ARHGEF7: variants seen among roughly 807,000 people sequenced by gnomAD.
ARHGEF7 encodes Rho guanine nucleotide exchange factor 7, also known as PAK-interacting exchange factor beta.
A neutral mutation model predicts 109.8 loss-of-function variants in ARHGEF7; 33 were observed. The observed-to-expected ratio is 0.30, with a 90% CI of 0.23 to 0.40. ARHGEF7 has a LOEUF of 0.40. ARHGEF7 is among the 10% of genes least tolerant of loss of function. The pLI is 1.00. For synonymous variants in ARHGEF7, 458 were observed against 424.6 expected, an observed-to-expected ratio of 1.08 and a Z score of -0.97; for missense variants, 938 against 1,098.5, an observed-to-expected ratio of 0.85 and a Z score of 2.07.
At chr13:111,260,085 A>G (rs2090921602) in intron 8 of ARHGEF7, among the ~76,000 whole-genome samples, 1 of 152,192 alleles carries the variant, frequency 6.6e-6, no homozygotes, top group African/African-American at 2.4e-5. Context: ...GAAAGAATCA[A>G]AAACAATGAA....
chr13:111,119,934 C>T (rs374516536), intron 1 of ARHGEF7, among the ~76,000 whole-genome samples: 104 of 152,130 alleles, frequency 6.8e-4, no homozygotes, highest in African/African-American at 1.6e-3. Flanking sequence ...GACCTGTAGC[C>T]GTCATAAAGA....
intron 4 of ARHGEF7, among the ~76,000 whole-genome samples, 190 bp downstream of exon 4, chr13:111,210,192 T>G (rs2082327519): frequency 6.6e-6 from 1 of 152,250 alleles, no homozygotes; most frequent in African/African-American, 2.4e-5. Flanking sequence ...ATATTATGCT[T>G]AATGATTGCT....
Position 111,248,436 on chromosome 13 carries a change from C to T in ARHGEF7, c.950+4142C>T, listed in dbSNP as rs113616723. 7.1e-3 allele frequency among the ~76,000 whole-genome samples: 1,088 copies of T among 152,188 alleles called. 9 individuals are homozygous for T. Among genetic ancestry groups the T allele is most frequent in the Admixed American group, 8.4e-3 (128 of 15,294 alleles). ...TCTTTTACCAAATGTGGGGAATTTG[C>T]GGGCATTATTTCTTCAAATATTTTG... On this transcript the variant is annotated intron_variant, in intron 8 of 21. Transcript: ENST00000646102.
intron 1 of ARHGEF7, among the ~76,000 whole-genome samples, chr13:111,140,297 A>G (rs1292899622): frequency 6.6e-6 from 1 of 152,244 alleles, no homozygotes; most frequent in Non-Finnish European, 1.5e-5. Context: ...ACAGAAATCA[A>G]TGAGACATTT....
chr13:111,198,500 G>C (rs2080835136), intron 2 of ARHGEF7, among the ~76,000 whole-genome samples: 1 of 152,136 alleles, frequency 6.6e-6, no homozygotes. Flanking sequence ...TCCTTCCGGT[G>C]GGTTTGTGGT....
intron 8 of ARHGEF7, among the ~76,000 whole-genome samples, chr13:111,246,050 G>A (rs952991234): frequency 2.6e-5 from 4 of 152,190 alleles, no homozygotes; most frequent in Admixed American, 1.3e-4. Context: ...AGGGACAGAG[G>A]CATGTTCTGA....
intron 5 of ARHGEF7, among the ~76,000 whole-genome samples, chr13:111,231,709 T>G (rs967060668): frequency 6.6e-6 from 1 of 151,986 alleles, no homozygotes; most frequent in African/African-American, 2.4e-5. Flanking sequence ...GACACTGAGA[T>G]TGTGGATGGG....
chr13:111,292,454 AT>A, intron 19 of ARHGEF7, 160 bp downstream of exon 19: 1 of 1,449,228 alleles, frequency 6.9e-7, no homozygotes, highest in Non-Finnish European at 9.0e-7. Flanking sequence ...AGTGTTCCTG[AT>A]ATTTCCCATT....
intron 15 of ARHGEF7, among the ~76,000 whole-genome samples, chr13:111,281,452 TTTC>T (rs1203460895): frequency 1.3e-5 from 2 of 152,196 alleles, no homozygotes; most frequent in Non-Finnish European, 2.9e-5. Flanking sequence ...GTTTTCATGT[TTTC>T]TTCTTCATGT....
Position 111,273,317 on chromosome 13 carries a change from C to T in ARHGEF7, c.1074-497C>T, listed in dbSNP as rs1314523191. Among the ~76,000 whole-genome samples the T allele has an allele frequency of 6.6e-6, 1 of 152,254 alleles. No homozygotes were observed. Among genetic ancestry groups the T allele is most frequent in the African/African-American group, 2.4e-5 (1 of 41,478 alleles). On this transcript the variant is annotated intron_variant, in intron 9 of 21. Coordinates refer to ENST00000646102, the MANE Select transcript of ARHGEF7 (RefSeq NM_001354046.2). The surrounding 1 kb of genome is among the most constrained non-coding windows in gnomAD (Gnocchi z 4.5). ...TGCTCCTCACCCCAAGAGCCATTGC[C>T]TACTCCCAGGCTGAGTGCTGGCAGC...
chr13:111,301,632 C>T, intron 21 of ARHGEF7, 100 bp downstream of exon 21: 2 of 963,864 alleles, frequency 2.1e-6, no homozygotes, highest in Admixed American at 2.0e-5. Context: ...GTGGCTCACA[C>T]CTATAATCCC....
intron 4 of ARHGEF7, among the ~76,000 whole-genome samples, chr13:111,216,192 C>T (rs143691325): frequency 6.0e-4 from 92 of 152,230 alleles, no homozygotes; most frequent in African/African-American, 2.1e-3. Flanking sequence ...TCAGCTCTGC[C>T]CTCTTAGACT....
intron 5 of ARHGEF7, among the ~76,000 whole-genome samples, chr13:111,222,864 C>G (rs2084650315): frequency 6.6e-6 from 1 of 152,232 alleles, no homozygotes; most frequent in African/African-American, 2.4e-5. Flanking sequence ...TCACCTCTGG[C>G]TTTGCGTAAT....
intron 2 of ARHGEF7, among the ~76,000 whole-genome samples, chr13:111,190,842 T>G (rs1471127379): frequency 1.3e-5 from 2 of 152,136 alleles, no homozygotes; most frequent in Non-Finnish European, 2.9e-5. Flanking sequence ...TGGTTGTGTA[T>G]GTTAAAAAGG....
Position 111,210,079 on chromosome 13 carries a change from G to A in ARHGEF7, c.468+77G>A, listed in dbSNP as rs944426259. 4.2e-5 allele frequency: 66 copies of A among 1,571,140 alleles called. 1 individual carries two copies. In the South Asian group the frequency reaches 6.4e-4, roughly 15 times the overall value. On this transcript the variant is annotated intron_variant, in intron 4 of 21. Coordinates refer to ENST00000646102, the MANE Select transcript of ARHGEF7 (RefSeq NM_001354046.2). Reference sequence around the variant, plus strand: ...TGTATGGATATATCTGAGAAGATACGTATGCCTCCATTAATGGTGTTAAAC... The same window carrying A: ...TGTATGGATATATCTGAGAAGATACATATGCCTCCATTAATGGTGTTAAAC...
At chr13:111,156,043 A>C (rs1203580080) in intron 2 of ARHGEF7, among the ~76,000 whole-genome samples, 3 of 147,024 alleles carry the variant, frequency 2.0e-5, no homozygotes, top group Admixed American at 7.0e-5. Context: ...TGAGATTGCC[A>C]CTGCACTCCA....
Position 111,158,943 on chromosome 13 carries a change from G to A in ARHGEF7, c.252+4952G>A, listed in dbSNP as rs2076546189. 8.4e-6 allele frequency: 6 copies of A among 710,392 alleles called. No individual in the cohort carries two copies. The Admixed American group carries it at 1.2e-4, about 14-fold the overall frequency. 44.0% of individuals were successfully genotyped at this position (710,392 alleles called of 1,614,324 possible). A position where few individuals can be genotyped will look rare whatever the true frequency, so the allele number is the denominator to read the frequency against. On this transcript the variant is annotated intron_variant, in intron 2 of 21. Transcript: ENST00000646102. ...TTATTGTTAACTGTAGTCACCTGCT[G>A]TACAATAGATCACTAAAATTTATTC...
intron 1 of ARHGEF7, among the ~76,000 whole-genome samples, chr13:111,121,551 AT>A (rs1463827574): frequency 6.6e-6 from 1 of 151,140 alleles, no homozygotes; most frequent in Non-Finnish European, 1.5e-5. Context: ...TGTAGGGTGG[AT>A]TTTAGCCGTT....
chr13:111,231,755 A>G (rs2086092796), intron 5 of ARHGEF7, among the ~76,000 whole-genome samples: 1 of 152,098 alleles, frequency 6.6e-6, no homozygotes, highest in Non-Finnish European at 1.5e-5. Flanking sequence ...GAAGGCATGG[A>G]CTGTAGGCAG....
Sources: allele counts gnomAD v4.1 joint callset (sites outside exome capture counted in the v4.1 genomes callset), GRCh38; gene constraint gnomAD v4.1.1; non-coding constraint Gnocchi (gnomAD v3.1); transcripts MANE v1.5; gene names NCBI Gene and HGNC (gene_info 2026-07-23, HGNC 2026-07-21).